The following CYB5D2 variants were observed in gnomAD, a reference collection of about 807,000 sequenced individuals.
CYB5D2 encodes the protein neuferricin.
CYB5D2 carries 23 observed loss-of-function variants against 22.8 expected under a neutral mutation model. The ratio of observed to expected loss-of-function variants is 1.01; its 90% CI spans 0.73 to 1.43. The LOEUF is 1.43. Among genes scored for constraint, CYB5D2 ranks in the 40% most tolerant of loss-of-function variants. CYB5D2 has a pLI of 0.00. For synonymous variants in CYB5D2, 170 were observed against 152.2 expected (o/e 1.12, Z -0.86); for missense variants, 373 against 357.2 (o/e 1.04, Z -0.36).
intron 3 of CYB5D2, among the ~76,000 whole-genome samples, chr17:4,156,201 G>A (rs556467558): frequency 1.3e-5 from 2 of 152,248 alleles, no homozygotes; most frequent in African/African-American, 2.4e-5. Flanking sequence ...GAGTCCATCA[G>A]AGACTGAGCC....
At chr17:4,146,851 C>T (rs2058998209) in intron 1 of CYB5D2, among the ~76,000 whole-genome samples, 1 of 152,010 alleles carries the variant, frequency 6.6e-6, no homozygotes, top group Non-Finnish European at 1.5e-5. Context: ...TGTCGATTGG[C>T]CTATTGTGGG....
intron 3 of CYB5D2, among the ~76,000 whole-genome samples, chr17:4,155,307 A>G (rs1409282297): frequency 6.6e-6 from 1 of 152,144 alleles, no homozygotes; most frequent in East Asian, 1.9e-4. Flanking sequence ...GATGGCTTCA[A>G]CTGCTGTCTT....
chr17:4,154,889 T>G (rs1179868498), intron 3 of CYB5D2, 29 bp downstream of exon 3: 13 of 1,593,802 alleles, frequency 8.2e-6, no homozygotes, highest in Non-Finnish European at 1.1e-5. Flanking sequence ...TTCTCCTTTC[T>G]GCCTGTCCCA....
chr17:4,149,634 T>C (rs1300128885), intron 1 of CYB5D2, among the ~76,000 whole-genome samples: 1 of 151,866 alleles, frequency 6.6e-6, no homozygotes, highest in Admixed American at 6.6e-5. Flanking sequence ...CCATCTCTAC[T>C]AAAAAAATAC....
intron 1 of CYB5D2, among the ~76,000 whole-genome samples, chr17:4,144,793 G>A (rs929810829): frequency 8.6e-5 from 13 of 152,036 alleles, no homozygotes; most frequent in African/African-American, 3.1e-4. Context: ...CCAGTCTAGT[G>A]CTTTTTTTTT....
chr17:4,151,357 A>G (rs1286105685), intron 2 of CYB5D2, among the ~76,000 whole-genome samples: 1 of 152,150 alleles, frequency 6.6e-6, no homozygotes, highest in South Asian at 2.1e-4. Flanking sequence ...AGGTTGAAAC[A>G]TTACTGGGTT....
chr17:4,156,834 AT>A, intron 3 of CYB5D2, 31 bp from the exon 4 acceptor site: 1 of 1,610,350 alleles, frequency 6.2e-7, no homozygotes, highest in East Asian at 2.2e-5. Context: ...GAGTTCTCAC[AT>A]TTAAGAAGTC....
intron 1 of CYB5D2, among the ~76,000 whole-genome samples, chr17:4,145,563 T>G (rs1354103061): frequency 2.0e-5 from 3 of 152,148 alleles, no homozygotes; most frequent in Admixed American, 1.3e-4. Context: ...TATTTTTCAG[T>G]GTGCTCTGCT....
chr17:4,156,897 C>A lies in CYB5D2; in HGVS notation c.610C>A (p.Pro204Thr). ...GGVSRDWIGV[P>T]RKLYKPGAKE... ...TGTGAGCAGAGACTGGATTGGCGTC[C>A]CCAGGAAGCTGTATAAGCCAGGTGC... The change falls in exon 4 of 4, where the codon CCC becomes ACC. Residue 204 changes from proline (P) to threonine (T), a missense_variant. Physicochemically the swap from Pro to Thr is conservative, Grantham distance 38. Coordinates refer to ENST00000301391, the MANE Select transcript of CYB5D2 (RefSeq NM_144611.4). 1 of 1,612,740 alleles carries A rather than the reference C, an allele frequency of 6.2e-7. No individual in the cohort carries two copies.
chr17:4,143,650 A>C lies in CYB5D2; in HGVS notation c.-106A>C, dbSNP rs948403750. 183 of 1,474,066 alleles carry C rather than the reference A, an allele frequency of 1.2e-4. 1 individual carries two copies. The highest frequency in any genetic ancestry group is 1.4e-4 in the Non-Finnish European group (153 of 1,099,490). The allele number at this position is 1,474,066 out of a possible 1,614,324, so 91.3% of individuals were successfully genotyped here. ...GCGCGAGCACTAGCGCGCGAGAGAG[A>C]GAGCGAGAGCGCGCGCGCCGATGAC... On this transcript the variant is annotated 5_prime_UTR_variant, in exon 1 of 4. Transcript: ENST00000301391.
Position 4,153,951 on chromosome 17 carries a change from C to G in CYB5D2, c.392-723C>G, listed in dbSNP as rs139755903. ...TAGTTCTTAGGGGTTGCTCCCTCTTCGGTCGCACCTCCCTCAAGTGCTTCC... is the reference window on the plus strand; with the variant it reads ...TAGTTCTTAGGGGTTGCTCCCTCTTGGGTCGCACCTCCCTCAAGTGCTTCC... On this transcript the variant is annotated intron_variant, in intron 2 of 3. Coordinates refer to ENST00000301391, the MANE Select transcript of CYB5D2 (RefSeq NM_144611.4). 2.3e-3 allele frequency among the ~76,000 whole-genome samples: 347 copies of G among 152,348 alleles called. 3 individuals are homozygous for G. Among genetic ancestry groups the G allele is most frequent in the African/African-American group, 8.0e-3 (333 of 41,594 alleles).
At position 4,143,805 on chromosome 17, in the gene CYB5D2, CA is replaced by C; in HGVS notation, c.51del (p.Ala18GlnfsTer3). 6.2e-7 allele frequency: 1 copy of C among 1,614,114 alleles called. No homozygotes were observed. ...CTTTTGTTGGGCCTGGCTGTAGCCG[CA>C]GCAGCGGTAATGGCAGCACGGCTTA... is the stretch of plus-strand genomic sequence containing the variant. ...RGLLLGLAVA[A>X]AAVMAARLMG... On this transcript the variant is annotated frameshift_variant, in exon 1 of 4. Coordinates refer to ENST00000301391, the MANE Select transcript of CYB5D2 (RefSeq NM_144611.4). LOFTEE classifies it high-confidence loss of function.
chr17:4,156,819 C>T (rs769364418), intron 3 of CYB5D2, 47 bp from the exon 4 acceptor site: 2 of 1,597,438 alleles, frequency 1.3e-6, no homozygotes, highest in Non-Finnish European at 8.6e-7. Flanking sequence ...TTCCCAGAGA[C>T]TCATGAGTTC....
Position 4,157,084 on chromosome 17 carries a change from C to T in CYB5D2, c.*2C>T, listed in dbSNP as rs777955470. ...ATCACATGCTCCTTTCCACTCTAAG[C>T]CGTAGCCTCTTCTGTTAATAACACA... On this transcript the variant is annotated 3_prime_UTR_variant, in exon 4 of 4. Coordinates refer to ENST00000301391, the MANE Select transcript of CYB5D2 (RefSeq NM_144611.4). The surrounding 1 kb of genome is among the most constrained non-coding windows in gnomAD (Gnocchi z 4.4). 3 of 1,612,202 alleles carry T rather than the reference C, an allele frequency of 1.9e-6. No homozygotes were observed. Among genetic ancestry groups the T allele is most frequent in the Non-Finnish European group, 2.5e-6 (3 of 1,179,992 alleles).
At chr17:4,148,002 T>C (rs1291549872) in intron 1 of CYB5D2, among the ~76,000 whole-genome samples, 1 of 152,182 alleles carries the variant, frequency 6.6e-6, no homozygotes, top group African/African-American at 2.4e-5. Context: ...GATCAGTTTG[T>C]GTTTAAAGTA....
rs1340470749 is a variant in CYB5D2 at position 4,143,727 on chromosome 17, G to A, written c.-29G>A. On this transcript the variant is annotated 5_prime_UTR_variant, in exon 1 of 4. Transcript: ENST00000301391. ...AGCTGTAGATAGAGGCGGCAACCTCGGAAGTGCGGAGCGGGTGGGCCTATA... is the reference window on the plus strand; with the variant it reads ...AGCTGTAGATAGAGGCGGCAACCTCAGAAGTGCGGAGCGGGTGGGCCTATA... 1.9e-6 allele frequency: 3 copies of A among 1,584,104 alleles called. No individual in the cohort carries two copies. Among genetic ancestry groups the A allele is most frequent in the African/African-American group, 1.4e-5 (1 of 73,964 alleles).
chr17:4,150,081 T>C, intron 2 of CYB5D2, 50 bp downstream of exon 2: 3 of 1,603,886 alleles, frequency 1.9e-6, no homozygotes, highest in Non-Finnish European at 8.5e-7. Context: ...GCAGTGTTTT[T>C]AGGGGGCTGA....
At chr17:4,150,763 G>C (rs1270420401) in intron 2 of CYB5D2, among the ~76,000 whole-genome samples, 1 of 152,166 alleles carries the variant, frequency 6.6e-6, no homozygotes, top group East Asian at 1.9e-4. Context: ...GCACGCACCT[G>C]TACTCCCAGC....
At position 4,143,660 on chromosome 17, in the gene CYB5D2, C is replaced by T. The variant is rs939605552; in HGVS notation, c.-96C>T. The stretch of plus-strand genomic sequence containing the variant: ...TAGCGCGCGAGAGAGAGAGCGAGAG[C>T]GCGCGCGCCGATGACGTCACGCTCG... On this transcript the variant is annotated 5_prime_UTR_variant, in exon 1 of 4. Coordinates refer to ENST00000301391, the MANE Select transcript of CYB5D2 (RefSeq NM_144611.4). 3 of 1,494,666 alleles carry T rather than the reference C, an allele frequency of 2.0e-6. No homozygotes were observed. The highest frequency in any genetic ancestry group is 2.3e-5 in the East Asian group (1 of 42,880). The allele number at this position is 1,494,666 out of a possible 1,614,324, so 92.6% of individuals were successfully genotyped here. A position where few individuals can be genotyped will look rare whatever the true frequency, so the allele number is the denominator to read the frequency against.
Sources: gnomAD v4.1 joint callset for allele counts (sites outside exome capture counted in the v4.1 genomes callset) on GRCh38, gnomAD v4.1.1 for gene constraint, Gnocchi (gnomAD v3.1) non-coding constraint, MANE v1.5 for transcripts, NCBI Gene and HGNC (gene_info 2026-07-23, HGNC 2026-07-21) for gene names.